The following MCC variants were observed in gnomAD, a reference collection of about 807,000 sequenced individuals.
MCC encodes the protein MCC regulator of Wnt signaling pathway, also known as colorectal mutant cancer protein.
A neutral mutation model predicts 116.2 loss-of-function variants in MCC; 90 were observed. The ratio of observed to expected loss-of-function variants is 0.77; its 90% CI spans 0.65 to 0.92. The LOEUF is 0.92. Among genes scored for constraint, MCC ranks in the 40% least tolerant of loss-of-function variants. The pLI is 0.00. For missense variants in MCC, 1,516 were observed against 1,312.2 expected (o/e 1.16, Z -2.40); for synonymous variants, 578 against 510.5 (o/e 1.13, Z -1.78).
intron 3 of MCC, among the ~76,000 whole-genome samples, chr5:113,211,784 T>C (rs1039701112): frequency 1.3e-5 from 2 of 152,194 alleles, no homozygotes; most frequent in African/African-American, 4.8e-5. Context: ...AATAAACAAA[T>C]TGGCTTAGAG....
At chr5:113,409,766 C>T (rs1458405853) in intron 1 of MCC, among the ~76,000 whole-genome samples, 1 of 152,166 alleles carries the variant, frequency 6.6e-6, no homozygotes, top group Non-Finnish European at 1.5e-5. Context: ...CACTCCAATA[C>T]TAAGGGCAAT....
intron 1 of MCC, among the ~76,000 whole-genome samples, chr5:113,483,999 C>G (rs573701225): frequency 6.6e-6 from 1 of 152,070 alleles, no homozygotes. Context: ...ATGGTGAGAA[C>G]ACATGGACAC....
At chr5:113,320,738 C>T (rs1039891922) in intron 3 of MCC, among the ~76,000 whole-genome samples, 1 of 152,206 alleles carries the variant, frequency 6.6e-6, no homozygotes, top group Non-Finnish European at 1.5e-5. Flanking sequence ...TAAGGCCTGG[C>T]ACAGTGACTG....
At chr5:113,444,736 T>C (rs142935884) in intron 1 of MCC, among the ~76,000 whole-genome samples, 89 of 152,342 alleles carry the variant, frequency 5.8e-4, no homozygotes, top group Admixed American at 1.2e-3. Context: ...CATCAATTAT[T>C]ACAGCTCTTT....
At chr5:113,466,632 T>C (rs1464493345) in intron 1 of MCC, among the ~76,000 whole-genome samples, 2 of 152,248 alleles carry the variant, frequency 1.3e-5, no homozygotes. Context: ...TGAATAGTGC[T>C]GCTATAAACA....
chr5:113,311,109 G>A (rs1391208987), intron 3 of MCC, among the ~76,000 whole-genome samples: 4 of 152,166 alleles, frequency 2.6e-5, no homozygotes. Context: ...CAGTCTGGGT[G>A]ACAGAGCAAG....
intron 8 of MCC, among the ~76,000 whole-genome samples, chr5:113,092,750 T>G (rs1372070809): frequency 6.6e-6 from 1 of 152,202 alleles, no homozygotes; most frequent in Non-Finnish European, 1.5e-5. Context: ...CCTTTGCTGC[T>G]GTTGGGCGGA....
intron 7 of MCC, among the ~76,000 whole-genome samples, chr5:113,102,761 A>G (rs1422483023): frequency 6.6e-6 from 1 of 152,188 alleles, no homozygotes; most frequent in Non-Finnish European, 1.5e-5. Flanking sequence ...AAGCCAGTGG[A>G]TAATGAAACA....
In MCC at chr5:113,025,724, C is replaced by A. The variant is rs555058055; in HGVS notation, c.*1578G>T. 2.6e-5 allele frequency: 4 copies of A among 152,060 alleles called. No individual in the cohort carries two copies. The East Asian group carries it at 7.7e-4, about 29-fold the overall frequency. 9.4% of individuals were successfully genotyped at this position (152,060 alleles called of 1,614,324 possible). A position where few individuals can be genotyped will look rare whatever the true frequency, so the allele number is the denominator to read the frequency against. On this transcript the variant is annotated 3_prime_UTR_variant, in exon 19 of 19. Coordinates refer to ENST00000408903, the MANE Select transcript of MCC (RefSeq NM_001085377.2). ...ACTGATACCAGTTGATCTGTTGTTTCGTTTTGGAGATGGGCAGCCTCACTG... is the reference window on the plus strand; with the variant it reads ...ACTGATACCAGTTGATCTGTTGTTTAGTTTTGGAGATGGGCAGCCTCACTG...
chr5:113,124,622 G>C (rs1385137281), intron 5 of MCC, among the ~76,000 whole-genome samples: 1 of 152,158 alleles, frequency 6.6e-6, no homozygotes, highest in African/African-American at 2.4e-5. Flanking sequence ...GAGATTACTA[G>C]GATGAACTTT....
intron 3 of MCC, among the ~76,000 whole-genome samples, chr5:113,227,474 C>G (rs1763786627): frequency 6.6e-6 from 1 of 152,112 alleles, no homozygotes; most frequent in South Asian, 2.1e-4. Flanking sequence ...TTACATGGTG[C>G]CTTCCAGCTA....
intron 5 of MCC, among the ~76,000 whole-genome samples, chr5:113,141,549 C>A (rs1183563690): frequency 2.0e-5 from 3 of 152,162 alleles, no homozygotes. Flanking sequence ...GATGCCTAAG[C>A]CTCAGGAGCT....
intron 3 of MCC, among the ~76,000 whole-genome samples, chr5:113,250,979 G>GT (rs1764779435): frequency 6.6e-6 from 1 of 152,160 alleles, no homozygotes; most frequent in Admixed American, 6.5e-5. Flanking sequence ...TCACACAAAG[G>GT]ATTTATACCT....
At chr5:113,176,924 C>T (rs1008300080) in intron 3 of MCC, among the ~76,000 whole-genome samples, 4 of 152,190 alleles carry the variant, frequency 2.6e-5, no homozygotes, top group African/African-American at 9.7e-5. Flanking sequence ...TGGTTCCCTA[C>T]ATCTAGCCTT....
intron 3 of MCC, among the ~76,000 whole-genome samples, chr5:113,280,730 A>C (rs1266146657): frequency 6.6e-6 from 1 of 152,212 alleles, no homozygotes; most frequent in Non-Finnish European, 1.5e-5. Context: ...TACTGACTAC[A>C]AGAAGATTTT....
At chr5:113,262,773 C>A (rs941251060) in intron 3 of MCC, among the ~76,000 whole-genome samples, 3 of 152,118 alleles carry the variant, frequency 2.0e-5, no homozygotes, top group Non-Finnish European at 4.4e-5. Flanking sequence ...CTGGGCCCTG[C>A]ACCCTGATTT....
chr5:113,249,506 C>A (rs765355543), intron 3 of MCC, among the ~76,000 whole-genome samples: 12 of 152,176 alleles, frequency 7.9e-5, no homozygotes, highest in Non-Finnish European at 1.6e-4. Flanking sequence ...AAACATATGC[C>A]CTGTACCTAT....
At chr5:113,063,045 G>C (rs1209354310) in intron 14 of MCC, among the ~76,000 whole-genome samples, 1 of 152,188 alleles carries the variant, frequency 6.6e-6, no homozygotes, top group Non-Finnish European at 1.5e-5. Flanking sequence ...AAGATCCCGG[G>C]TTCCCATCCA....
chr5:113,059,579 C>G (rs1424987870), intron 14 of MCC, among the ~76,000 whole-genome samples: 1 of 152,252 alleles, frequency 6.6e-6, no homozygotes. Context: ...AGAACAGGAG[C>G]CTGTCTGTGT....
Sources: gnomAD v4.1 joint callset for allele counts (sites outside exome capture counted in the v4.1 genomes callset) on GRCh38, gnomAD v4.1.1 for gene constraint, MANE v1.5 for transcripts, NCBI Gene and HGNC (gene_info 2026-07-23, HGNC 2026-07-21) for gene names.